TYW1: variants seen among roughly 807,000 people sequenced by gnomAD.
The protein encoded by TYW1 is S-adenosyl-L-methionine-dependent tRNA 4-demethylwyosine synthase TYW1.
A neutral mutation model predicts 96.2 loss-of-function variants in TYW1; 46 were observed. That is an observed-to-expected ratio of 0.48 (90% CI 0.38 to 0.61). The LOEUF (loss-of-function observed/expected upper bound fraction) is 0.61, where lower values mean the gene tolerates loss of function less well. Ranked by LOEUF, TYW1 falls within the 20% of genes least tolerant of loss-of-function variation. The pLI is 0.00. For synonymous variants in TYW1, 274 were observed against 323.0 expected (o/e 0.85, Z 1.63); for missense variants, 684 against 909.6 (o/e 0.75, Z 3.19).
Position 67,239,153 on chromosome 7 carries a change from C to T in TYW1, c.*624C>T, listed in dbSNP as rs1227217814. 1.5e-5 allele frequency: 15 copies of T among 985,884 alleles called. No homozygotes were observed. The highest frequency in any genetic ancestry group is 1.8e-5 in the Non-Finnish European group (15 of 830,250). 61.1% of individuals were successfully genotyped at this position (985,884 alleles called of 1,614,324 possible). A position where few individuals can be genotyped will look rare whatever the true frequency, so the allele number is the denominator to read the frequency against. ...AAAACTACTAGATCTCATCCCATTC[C>T]CATGTAAATTACCACAGACCGCAGT... On this transcript the variant is annotated 3_prime_UTR_variant, in exon 16 of 16. Coordinates refer to ENST00000359626, the MANE Select transcript of TYW1 (RefSeq NM_018264.4).
Position 67,204,842 on chromosome 7 carries a change from C to T in TYW1, c.1977+9505C>T, listed in dbSNP as rs557868442. Among the ~76,000 whole-genome samples, 628 of 152,266 alleles carry T rather than the reference C, an allele frequency of 4.1e-3. 2 individuals are homozygous for T. Among genetic ancestry groups the T allele is most frequent in the Middle Eastern group, 0.01 (3 of 294 alleles). On this transcript the variant is annotated intron_variant, in intron 15 of 15. Coordinates refer to ENST00000359626, the MANE Select transcript of TYW1 (RefSeq NM_018264.4). Reference sequence around the variant, plus strand: ...CTCCTGGCTTCCAGTGATCCACCCACCTCCACCTCCCTGGGATTACAGGCA... The same window carrying T: ...CTCCTGGCTTCCAGTGATCCACCCATCTCCACCTCCCTGGGATTACAGGCA...
chr7:67,043,195 T>A (rs542215332), intron 7 of TYW1, among the ~76,000 whole-genome samples: 15 of 152,292 alleles, frequency 9.8e-5, no homozygotes, highest in African/African-American at 2.9e-4. Context: ...GGACTCCATC[T>A]GTCTGTGTCA....
intron 15 of TYW1, among the ~76,000 whole-genome samples, chr7:67,210,756 G>A (rs571235601): frequency 3.1e-4 from 27 of 87,404 alleles, no homozygotes; most frequent in Middle Eastern, 6.9e-3. Context: ...TTTGTCTGTC[G>A]TCTGTCCGTC....
chr7:67,102,766 C>G (rs1440498398), intron 12 of TYW1, among the ~76,000 whole-genome samples: 2 of 152,140 alleles, frequency 1.3e-5, no homozygotes. Flanking sequence ...ATTCTCCTGC[C>G]TCAGCCTCCC....
chr7:67,190,154 T>C (rs552272841), intron 14 of TYW1, among the ~76,000 whole-genome samples: 38 of 152,152 alleles, frequency 2.5e-4, no homozygotes, highest in Non-Finnish European at 4.7e-4. Context: ...CCCTGCAAAA[T>C]GATTGTCTTA....
At chr7:67,234,871 G>C (rs1184380476) in intron 15 of TYW1, among the ~76,000 whole-genome samples, 1 of 151,760 alleles carries the variant, frequency 6.6e-6, no homozygotes, top group East Asian at 1.9e-4. Flanking sequence ...CTGCAGTTTT[G>C]TGAAAGTTGT....
rs566998231 is a variant in TYW1 at position 67,221,782 on chromosome 7, C to A, written c.1978-16526C>A. Among the ~76,000 whole-genome samples, 267 of 152,262 alleles carry A rather than the reference C, an allele frequency of 1.8e-3. 6 individuals are homozygous for A. In the East Asian group the frequency reaches 0.044, roughly 25 times the overall value. On this transcript the variant is annotated intron_variant, in intron 15 of 15. Transcript: ENST00000359626. ...CTATGTTCCTTTACAGCTCTGTTCCCACCCATTTCAGTTGTTGATGTCACA... is the reference window on the plus strand; with the variant it reads ...CTATGTTCCTTTACAGCTCTGTTCCAACCCATTTCAGTTGTTGATGTCACA...
intron 15 of TYW1, among the ~76,000 whole-genome samples, chr7:67,229,532 CCA>C (rs1801678030): frequency 7.5e-6 from 1 of 133,650 alleles, no homozygotes; most frequent in African/African-American, 3.2e-5. Flanking sequence ...GAGTGAGACT[CCA>C]TCTCAAAAAA....
chr7:67,143,838 A>G (rs1798523039), intron 13 of TYW1, among the ~76,000 whole-genome samples: 1 of 152,232 alleles, frequency 6.6e-6, no homozygotes, highest in Non-Finnish European at 1.5e-5. Context: ...AAAAACATTC[A>G]AGTAATCATT....
intron 13 of TYW1, among the ~76,000 whole-genome samples, chr7:67,148,727 G>A (rs1299173109): frequency 1.3e-5 from 2 of 152,078 alleles, no homozygotes; most frequent in African/African-American, 2.4e-5. Context: ...CACTGTGCCC[G>A]GCTGTTGAAA....
intron 13 of TYW1, among the ~76,000 whole-genome samples, chr7:67,130,662 C>CT (rs937128040): frequency 2.1e-5 from 3 of 145,216 alleles, no homozygotes; most frequent in Non-Finnish European, 3.0e-5. Context: ...AGACTCTTAA[C>CT]TCAAAAAAAA....
chr7:67,062,711 T>C (rs1481231073), intron 9 of TYW1, among the ~76,000 whole-genome samples: 2 of 152,036 alleles, frequency 1.3e-5, no homozygotes, highest in Admixed American at 6.6e-5. Context: ...TTAGGTGAAA[T>C]ACATCTATTC....
chr7:67,059,831 G>T (rs2085379583), intron 9 of TYW1, among the ~76,000 whole-genome samples: 1 of 151,870 alleles, frequency 6.6e-6, no homozygotes, highest in Non-Finnish European at 1.5e-5. Context: ...GGAGTGCAGT[G>T]GTGTGATCTC....
rs189147608 is a variant in TYW1, at chr7:67,148,046, A to G, written c.1698+30428A>G. Among the ~76,000 whole-genome samples the G allele has an allele frequency of 6.6e-4, 100 of 152,124 alleles. 1 individual carries two copies. Among genetic ancestry groups the G allele is most frequent in the African/African-American group, 2.3e-3 (96 of 41,488 alleles). Reference sequence around the variant, plus strand: ...TGGTGGAGATGGACGGCAGATTGTCATAATATTTGGCAAGAAAGAGAACAG... The same window carrying G: ...TGGTGGAGATGGACGGCAGATTGTCGTAATATTTGGCAAGAAAGAGAACAG... On this transcript the variant is annotated intron_variant, in intron 13 of 15. Coordinates refer to ENST00000359626, the MANE Select transcript of TYW1 (RefSeq NM_018264.4).
At chr7:67,001,656 A>C (rs537726341) in intron 3 of TYW1, among the ~76,000 whole-genome samples, 1 of 151,664 alleles carries the variant, frequency 6.6e-6, no homozygotes, top group Non-Finnish European at 1.5e-5. Flanking sequence ...TCCTGACCTC[A>C]TGATCTGCCC....
chr7:67,230,455 A>G (rs1801715992), intron 15 of TYW1, among the ~76,000 whole-genome samples: 1 of 151,574 alleles, frequency 6.6e-6, no homozygotes, highest in Non-Finnish European at 1.5e-5. Context: ...TTTATTAAAA[A>G]ACAAAACAAA....
chr7:67,029,199 C>T (rs547599890), intron 7 of TYW1, among the ~76,000 whole-genome samples: 3 of 151,554 alleles, frequency 2.0e-5, no homozygotes, highest in Admixed American at 6.6e-5. Flanking sequence ...GGGGTTTCAC[C>T]GTGGTCTTGA....
chr7:67,178,021 A>C (rs1190867012), intron 13 of TYW1, among the ~76,000 whole-genome samples: 1 of 146,730 alleles, frequency 6.8e-6, no homozygotes, highest in Non-Finnish European at 1.5e-5. Context: ...AAAAAAAGCT[A>C]GGAGTGGCAG....
At chr7:67,131,701 G>A (rs915502642) in intron 13 of TYW1, among the ~76,000 whole-genome samples, 3 of 152,180 alleles carry the variant, frequency 2.0e-5, no homozygotes, top group Non-Finnish European at 4.4e-5. Flanking sequence ...TAGGTCATCT[G>A]CAAGCTGAGG....
Sources: allele counts gnomAD v4.1 joint callset (sites outside exome capture counted in the v4.1 genomes callset), GRCh38; gene constraint gnomAD v4.1.1; transcripts MANE v1.5; gene names NCBI Gene and HGNC (gene_info 2026-07-23, HGNC 2026-07-21).